Variants in FAM120B observed in about 807,000 individuals in gnomAD.
The protein encoded by FAM120B is constitutive coactivator of peroxisome proliferator-activated receptor gamma.
A neutral mutation model predicts 96.3 loss-of-function variants in FAM120B; 83 were observed. The observed-to-expected ratio is 0.86, with a 90% CI of 0.72 to 1.03. The LOEUF (loss-of-function observed/expected upper bound fraction) is 1.03. FAM120B is among the 50% of genes least tolerant of loss of function. The probability of loss-of-function intolerance (pLI) is 0.00; values close to 1 mark genes in which losing one functional copy is unlikely to be tolerated. For missense variants in FAM120B, 1,027 were observed against 1,121.2 expected, an observed-to-expected ratio of 0.92 and a Z score of 1.20; for synonymous variants, 407 against 402.7, an observed-to-expected ratio of 1.01 and a Z score of -0.13.
chr6:170,304,207 T>C (rs1784205341), upstream of FAM120B, among the ~76,000 whole-genome samples: 1 of 152,254 alleles, frequency 6.6e-6, no homozygotes, highest in South Asian at 2.1e-4. Flanking sequence ...AGAGTTGAAT[T>C]CTATGTTAGA....
At chr6:170,360,805 T>C (rs9460122) in intron 6 of FAM120B, among the ~76,000 whole-genome samples, 45,533 of 151,872 alleles carry the variant, frequency 0.3, 8,317 homozygotes, top group East Asian at 0.9. Flanking sequence ...GTGAGTTTCG[T>C]TCATCTCCCC....
chr6:170,369,753 T>C (rs1273467999), intron 6 of FAM120B, among the ~76,000 whole-genome samples: 1 of 151,220 alleles, frequency 6.6e-6, no homozygotes, highest in Non-Finnish European at 1.5e-5. Flanking sequence ...TCTCTTGTCC[T>C]GGAGAATCTT....
intron 1 of FAM120B, among the ~76,000 whole-genome samples, chr6:170,299,263 T>G (rs1291874017): frequency 6.6e-6 from 1 of 152,230 alleles, no homozygotes; most frequent in Non-Finnish European, 1.5e-5. Flanking sequence ...TCATTTCTAC[T>G]TCTTCTTTGT....
chr6:170,301,488 T>A (rs1329604553), intron 1 of FAM120B, among the ~76,000 whole-genome samples: 1 of 152,046 alleles, frequency 6.6e-6, no homozygotes, highest in Non-Finnish European at 1.5e-5. Flanking sequence ...GTTTTAGTGA[T>A]TAACATTCTT....
In FAM120B at chr6:170,326,055, C is replaced by T. The variant is rs548777904; in HGVS notation, c.1915+2796C>T. Among the ~76,000 whole-genome samples, 9 of 151,786 alleles carry T rather than the reference C, an allele frequency of 5.9e-5. No homozygotes were observed. In the East Asian group the frequency reaches 9.7e-4, roughly 16 times the overall value. On this transcript the variant is annotated intron_variant, in intron 3 of 10. Coordinates refer to ENST00000476287, the MANE Select transcript of FAM120B (RefSeq NM_032448.3). ...TGCTATTGTCGTTTTATGTCTTGTA[C>T]ATATATATATATTTTAAATTTGAAA...
chr6:170,296,216 G>A lies in FAM120B; in HGVS notation c.48+763G>A, dbSNP rs1409189315. On this transcript the variant is annotated intron_variant, in intron 1 of 10. Coordinates refer to the FAM120B transcript ENST00000537664. ...GAACGCGCCGGGACCCGGGGCTGGG[G>A]GGCCGGGTGTTGGGGGGTTAGAAGG... Among the ~76,000 whole-genome samples, 5 of 152,232 alleles carry A rather than the reference G, an allele frequency of 3.3e-5. No individual in the cohort carries two copies. In the East Asian group the frequency reaches 5.8e-4, roughly 18 times the overall value.
chr6:170,387,307 G>A (rs887172093), intron 6 of FAM120B, among the ~76,000 whole-genome samples: 2 of 152,192 alleles, frequency 1.3e-5, no homozygotes, highest in Middle Eastern at 3.2e-3. Context: ...ATTTTAGTAA[G>A]TGAAGCCTTA....
At chr6:170,307,801 G>C (rs1784378007) in intron 1 of FAM120B, among the ~76,000 whole-genome samples, 1 of 152,268 alleles carries the variant, frequency 6.6e-6, no homozygotes, top group Admixed American at 6.5e-5. Flanking sequence ...TTTTGTCGTC[G>C]TTCAGGGACT....
intron 4 of FAM120B, among the ~76,000 whole-genome samples, chr6:170,343,535 C>T (rs1043624778): frequency 6.6e-6 from 1 of 152,030 alleles, no homozygotes; most frequent in Admixed American, 6.5e-5. Context: ...TTTTCCTACT[C>T]TGGTGATTTT....
At chr6:170,315,711 A>T (rs7761060) in intron 1 of FAM120B, among the ~76,000 whole-genome samples, 19,661 of 152,212 alleles carry the variant, frequency 0.13, 1,445 homozygotes, top group East Asian at 0.31. Context: ...TCATTATGCA[A>T]TTAATGAAAA....
intron 6 of FAM120B, among the ~76,000 whole-genome samples, chr6:170,366,859 G>A (rs1228925315): frequency 2.0e-5 from 3 of 152,084 alleles, no homozygotes; most frequent in South Asian, 4.1e-4. Context: ...CACACTCACC[G>A]CCCTGCCCAG....
In FAM120B at chr6:170,390,999, T is replaced by C. The variant is rs1790450203; in HGVS notation, c.2491-14T>C. The stretch of plus-strand genomic sequence containing the variant: ...TGGCCCCTCACATCTCATTTGCATC[T>C]GGTCTGTTTGCAGAGATCTCGGCTC... On this transcript the variant is annotated splice_polypyrimidine_tract_variant and intron_variant, in intron 7 of 10. Transcript: ENST00000476287. The C allele has an allele frequency of 6.2e-7, 1 of 1,611,404 alleles. No homozygotes were observed. The highest frequency in any genetic ancestry group is 1.3e-5 in the African/African-American group (1 of 74,988).
At chr6:170,400,789 G>A (rs1049206527) in intron 9 of FAM120B, among the ~76,000 whole-genome samples, 1 of 152,180 alleles carries the variant, frequency 6.6e-6, no homozygotes, top group African/African-American at 2.4e-5. Flanking sequence ...CGCTGTTCTT[G>A]CAGAATGAAG....
At chr6:170,320,188 T>G (rs188486478) in intron 2 of FAM120B, among the ~76,000 whole-genome samples, 247 of 152,316 alleles carry the variant, frequency 1.6e-3, no homozygotes, top group Non-Finnish European at 2.9e-3. Context: ...CCACCATCTT[T>G]CATCTAGTTA....
intron 9 of FAM120B, among the ~76,000 whole-genome samples, chr6:170,398,761 C>A: frequency 9.2e-6 from 1 of 108,994 alleles, no homozygotes; most frequent in East Asian, 4.0e-4. Flanking sequence ...GGTAGAACTA[C>A]GTCATAAGCC....
chr6:170,371,845 G>A (rs1272020811), intron 6 of FAM120B, among the ~76,000 whole-genome samples: 2 of 152,296 alleles, frequency 1.3e-5, no homozygotes, highest in East Asian at 1.9e-4. Flanking sequence ...AGCGCCTGGC[G>A]CCAGCTGCCA....
At chr6:170,392,121 T>C (rs554081768) in intron 8 of FAM120B, among the ~76,000 whole-genome samples, 2 of 152,342 alleles carry the variant, frequency 1.3e-5, no homozygotes, top group South Asian at 4.1e-4. Context: ...CAATTTTAGG[T>C]AAATGATCAC....
intron 4 of FAM120B, among the ~76,000 whole-genome samples, chr6:170,346,792 G>T (rs9366213): frequency 6.6e-6 from 1 of 151,870 alleles, no homozygotes; most frequent in Non-Finnish European, 1.5e-5. Context: ...GCAGGAGCTG[G>T]GTTTGTCCCG....
chr6:170,297,593 G>T (rs956423407), intron 1 of FAM120B, among the ~76,000 whole-genome samples: 4 of 147,444 alleles, frequency 2.7e-5, no homozygotes, highest in African/African-American at 9.9e-5. Flanking sequence ...AAAAACGTGT[G>T]AAGTTATTCA....
Sources: allele counts gnomAD v4.1 joint callset (sites outside exome capture counted in the v4.1 genomes callset), GRCh38; gene constraint gnomAD v4.1.1; transcripts MANE v1.5; gene names NCBI Gene and HGNC (gene_info 2026-07-23, HGNC 2026-07-21).